ARHGAP8: variants seen among roughly 807,000 people sequenced by gnomAD.
The protein encoded by ARHGAP8 is rho GTPase-activating protein 8.
A neutral mutation model predicts 46.1 loss-of-function variants in ARHGAP8; 62 were observed. The observed-to-expected ratio is 1.34, with a 90% CI of 1.10 to 1.66. The LOEUF (loss-of-function observed/expected upper bound fraction) is 1.66, where lower values mean the gene tolerates loss of function less well. Among genes scored for constraint, ARHGAP8 ranks in the 40% most tolerant of loss-of-function variants. The probability of loss-of-function intolerance (pLI) is 0.00; values close to 1 mark genes in which losing one functional copy is unlikely to be tolerated. For synonymous variants in ARHGAP8, 375 were observed against 243.1 expected (o/e 1.54, Z -5.05); for missense variants, 923 against 568.4 (o/e 1.62, Z -6.34).
At chr22:44,848,146 C>T (rs1002947120) in intron 9 of ARHGAP8, 96 bp downstream of exon 9, 2 of 1,496,110 alleles carry the variant, frequency 1.3e-6, no homozygotes, top group Admixed American at 3.9e-5. Context: ...ACCGCCCCCG[C>T]AACCCACCCA....
intron 10 of ARHGAP8, among the ~76,000 whole-genome samples, chr22:44,858,533 CTT>C (rs10700242): frequency 1.2e-4 from 11 of 89,780 alleles, no homozygotes; most frequent in Admixed American, 4.4e-4. Flanking sequence ...CCATACCCGG[CTT>C]TTTTTTTTTT....
At chr22:44,859,964 C>T (rs541700786) in intron 11 of ARHGAP8, 130 bp downstream of exon 11, 182 of 1,098,066 alleles carry the variant, frequency 1.7e-4, no homozygotes, top group Middle Eastern at 8.3e-4. Context: ...GAATACCACT[C>T]CCTGCCCCCC....
chr22:44,806,829 TG>T (rs1396200978), intron 3 of ARHGAP8, among the ~76,000 whole-genome samples: 1 of 151,598 alleles, frequency 6.6e-6, no homozygotes, highest in East Asian at 1.9e-4. Context: ...CCGGGCGTGG[TG>T]GCAGGCGCCT....
At position 44,841,494 on chromosome 22, in the gene ARHGAP8, A is replaced by G. The variant is rs867700696; in HGVS notation, c.597-3775A>G. On this transcript the variant is annotated intron_variant, in intron 7 of 11. Coordinates refer to ENST00000356099, the MANE Select transcript of ARHGAP8 (RefSeq NM_181335.3). The stretch of plus-strand genomic sequence containing the variant: ...TCCTAGCTCCACGTGGCCAAATCCA[A>G]CTTCCTTTTTGGGGTATCCCTAAAA... Among the ~76,000 whole-genome samples, 33 of 151,990 alleles carry G rather than the reference A, an allele frequency of 2.2e-4. No homozygotes were observed. In the Middle Eastern group the frequency reaches 0.024, roughly 110 times the overall value.
rs774993906 is a variant in ARHGAP8, at chr22:44,862,167, A to T, written c.982-108A>T. 5 of 1,355,322 alleles carry T rather than the reference A, an allele frequency of 3.7e-6. No individual in the cohort carries two copies. In the East Asian group the frequency reaches 9.7e-5, roughly 26 times the overall value. The allele number at this position is 1,355,322 out of a possible 1,614,324, so 84.0% of individuals were successfully genotyped here. A position where few individuals can be genotyped will look rare whatever the true frequency, so the allele number is the denominator to read the frequency against. ...ATTACTGGCTGCCGGCTCCCAGTCCAGTGCTCCTCTCACTACACCTACGCC... is the reference window on the plus strand; with the variant it reads ...ATTACTGGCTGCCGGCTCCCAGTCCTGTGCTCCTCTCACTACACCTACGCC... On this transcript the variant is annotated intron_variant, in intron 11 of 11. Transcript: ENST00000356099.
intron 7 of ARHGAP8, among the ~76,000 whole-genome samples, chr22:44,832,792 A>G (rs1931034127): frequency 6.6e-6 from 1 of 152,216 alleles, no homozygotes; most frequent in Non-Finnish European, 1.5e-5. Flanking sequence ...TTGAATAAAA[A>G]TGATAAGAGC....
chr22:44,854,388 C>T (rs188469281), intron 10 of ARHGAP8, among the ~76,000 whole-genome samples: 42 of 151,798 alleles, frequency 2.8e-4, no homozygotes, highest in Non-Finnish European at 4.7e-4. Flanking sequence ...AGGTGTGCGC[C>T]GCCACACCCA....
At chr22:44,828,895 G>A (rs1436400788) in intron 7 of ARHGAP8, among the ~76,000 whole-genome samples, 7 of 152,016 alleles carry the variant, frequency 4.6e-5, no homozygotes, top group Non-Finnish European at 7.4e-5. Context: ...CTTTAGCTGG[G>A]AGATTCCAGC....
chr22:44,798,802 C>T (rs940699370), intron 2 of ARHGAP8, among the ~76,000 whole-genome samples: 17 of 152,066 alleles, frequency 1.1e-4, no homozygotes, highest in Admixed American at 7.2e-4. Context: ...AGTCTTGCTC[C>T]TTCACCAGGC....
intron 2 of ARHGAP8, among the ~76,000 whole-genome samples, chr22:44,798,611 C>G (rs927948719): frequency 6.6e-6 from 1 of 152,034 alleles, no homozygotes; most frequent in Admixed American, 6.5e-5. Flanking sequence ...CCCCACAGCC[C>G]CTTCCCTGAG....
intron 1 of ARHGAP8, among the ~76,000 whole-genome samples, chr22:44,770,592 G>A (rs190082687): frequency 3.9e-4 from 59 of 152,172 alleles, no homozygotes; most frequent in Admixed American, 1.4e-3. Flanking sequence ...TTTTAGTAGA[G>A]ACCAGGTTTT....
chr22:44,841,522 C>A (rs1380520929), intron 7 of ARHGAP8, among the ~76,000 whole-genome samples: 1 of 152,184 alleles, frequency 6.6e-6, no homozygotes, highest in Non-Finnish European at 1.5e-5. Context: ...CCCTAAAATG[C>A]CTCCTCTGCG....
At chr22:44,789,417 C>G (rs1787155620) in intron 2 of ARHGAP8, among the ~76,000 whole-genome samples, 1 of 152,154 alleles carries the variant, frequency 6.6e-6, no homozygotes, top group Non-Finnish European at 1.5e-5. Context: ...TCCCAAAGTG[C>G]TGGGATTACA....
chr22:44,789,637 T>C (rs1014162607), intron 2 of ARHGAP8, among the ~76,000 whole-genome samples: 7 of 152,054 alleles, frequency 4.6e-5, no homozygotes, highest in African/African-American at 1.7e-4. Context: ...TAGCTGGGAC[T>C]ACAGGCACAG....
At chr22:44,771,200 C>A (rs1023286158) in intron 1 of ARHGAP8, among the ~76,000 whole-genome samples, 11 of 148,970 alleles carry the variant, frequency 7.4e-5, no homozygotes, top group African/African-American at 2.5e-4. Context: ...TTTGTAGATT[C>A]CTTAGGATTT....
chr22:44,788,398 C>T (rs545555631), intron 2 of ARHGAP8, among the ~76,000 whole-genome samples: 53 of 151,412 alleles, frequency 3.5e-4, no homozygotes, highest in African/African-American at 1.3e-3. Flanking sequence ...GGATTATAGG[C>T]ATGAGCCACC....
At chr22:44,825,974 C>T (rs1358936109) in intron 7 of ARHGAP8, among the ~76,000 whole-genome samples, 4 of 150,148 alleles carry the variant, frequency 2.7e-5, no homozygotes, top group Non-Finnish European at 5.9e-5. Flanking sequence ...TTGGGGGGAC[C>T]GGCAGTGGGT....
At chr22:44,819,944 A>G (rs1031577719) in intron 5 of ARHGAP8, among the ~76,000 whole-genome samples, 62 of 152,294 alleles carry the variant, frequency 4.1e-4, no homozygotes, top group Non-Finnish European at 7.1e-4. Flanking sequence ...GGAGAGGACC[A>G]TAGGAATTGG....
intron 1 of ARHGAP8, among the ~76,000 whole-genome samples, chr22:44,758,499 C>T (rs1461421296): frequency 6.6e-6 from 1 of 152,070 alleles, no homozygotes; most frequent in Non-Finnish European, 1.5e-5. Flanking sequence ...CCCAGGCAGC[C>T]GGTGAGGAGG....
Sources: gnomAD v4.1 joint callset for allele counts (sites outside exome capture counted in the v4.1 genomes callset) on GRCh38, gnomAD v4.1.1 for gene constraint, MANE v1.5 for transcripts, NCBI Gene and HGNC (gene_info 2026-07-23, HGNC 2026-07-21) for gene names.